The following PDE4D variants were observed in gnomAD, a reference collection of about 807,000 sequenced individuals.
PDE4D encodes the protein 3',5'-cyclic-AMP phosphodiesterase 4D.
In PDE4D, 24 loss-of-function variants were observed where a neutral mutation model predicts 87.4. The observed-to-expected ratio is 0.27, with a 90% CI of 0.20 to 0.39. The LOEUF is 0.39. PDE4D is among the 10% of genes least tolerant of loss of function. The probability of loss-of-function intolerance (pLI) is 1.00; values close to 1 mark genes in which losing one functional copy is unlikely to be tolerated. For missense variants in PDE4D, 714 were observed against 1,041.0 expected, an observed-to-expected ratio of 0.69 and a Z score of 4.32; for synonymous variants, 384 against 383.2, an observed-to-expected ratio of 1.00 and a Z score of -0.02.
chr5:58,988,583 T>C lies in PDE4D; in HGVS notation c.1462A>G (p.Thr488Ala). 2 of 1,482,080 alleles carry C rather than the reference T, an allele frequency of 1.3e-6. No individual in the cohort carries two copies. The highest frequency in any genetic ancestry group is 1.8e-6 in the Non-Finnish European group (2 of 1,101,318). 91.8% of individuals were successfully genotyped at this position (1,482,080 alleles called of 1,614,324 possible). Residue 488 changes from threonine (T) to alanine (A), a missense_variant, in exon 11 of 15, where the codon ACA becomes GCA. Thr to Ala is a moderately conservative substitution (Grantham distance 58). Around this residue, in one of 7 missense-constraint regions of PDE4D, gnomAD observed 141 missense variants for 204.3 expected, o/e 0.69. Transcript: ENST00000340635. ...LSTPALEAVF[T>A]DLEILAAIFA... ...ATTGCTGCAAGAATCTCCAAATCTG[T>C]AAACACAGCCTGGAAAATCAGACAA...
chr5:59,928,125 G>A (rs1222249388), intron 3 of PDE4D, among the ~76,000 whole-genome samples: 1 of 152,202 alleles, frequency 6.6e-6, no homozygotes, highest in Non-Finnish European at 1.5e-5. Flanking sequence ...CTCAGTGCCA[G>A]ATTTCCTGAG....
chr5:59,870,202 C>T (rs1482258322), intron 1 of PDE4D, among the ~76,000 whole-genome samples: 1 of 152,212 alleles, frequency 6.6e-6, no homozygotes, highest in Non-Finnish European at 1.5e-5. Flanking sequence ...TAAATTGCCA[C>T]ATTGGCCCAA....
chr5:59,424,246 T>C (rs1266081059), intron 1 of PDE4D, among the ~76,000 whole-genome samples: 1 of 152,202 alleles, frequency 6.6e-6, no homozygotes, highest in Non-Finnish European at 1.5e-5. Flanking sequence ...TTAAATCTGT[T>C]ACTGCTAATA....
chr5:60,085,699 T>C (rs1485365750), intron 2 of PDE4D, among the ~76,000 whole-genome samples: 1 of 152,230 alleles, frequency 6.6e-6, no homozygotes, highest in Admixed American at 6.5e-5. Context: ...ACTCATTTTA[T>C]TTCTACATCT....
At chr5:60,383,911 G>C (rs1001179100) in intron 1 of PDE4D, among the ~76,000 whole-genome samples, 1 of 152,174 alleles carries the variant, frequency 6.6e-6, no homozygotes, top group Non-Finnish European at 1.5e-5. Flanking sequence ...TCAAGGCACA[G>C]AGAAGCACAG....
At chr5:59,333,187 T>C (rs1052231548) in intron 1 of PDE4D, among the ~76,000 whole-genome samples, 1 of 152,142 alleles carries the variant, frequency 6.6e-6, no homozygotes, top group Non-Finnish European at 1.5e-5. Context: ...TCCAGTTCTC[T>C]AGGTCAAAAG....
chr5:59,574,115 TATAA>T (rs1561241626), intron 1 of PDE4D, among the ~76,000 whole-genome samples: 105 of 3,780 alleles, frequency 0.028, no homozygotes, highest in African/African-American at 0.047. Flanking sequence ...TATATATATA[TATAA>T]ATATATATTT....
intron 1 of PDE4D, among the ~76,000 whole-genome samples, chr5:59,401,478 A>ATCTGTCTGTCTGTCTGTCTG (rs74715038): frequency 8.6e-5 from 13 of 150,988 alleles, no homozygotes; most frequent in South Asian, 2.1e-4. Context: ...CTATCTATCT[A>ATCTGTCTGTCTGTCTGTCTG]TCTATCTATT....
upstream of PDE4D, among the ~76,000 whole-genome samples, chr5:60,493,038 A>T (rs553057592): frequency 8.5e-5 from 13 of 152,320 alleles, no homozygotes; most frequent in East Asian, 1.7e-3. Flanking sequence ...GGCCTCTAAG[A>T]TAACAGCACA....
chr5:60,075,483 T>C (rs111491668), intron 2 of PDE4D, among the ~76,000 whole-genome samples: 4,049 of 152,254 alleles, frequency 0.027, 88 homozygotes, highest in South Asian at 0.053. Context: ...TGATTGTCTG[T>C]CTTGGGGATG....
chr5:59,987,916 C>T (rs148352058), intron 3 of PDE4D: 2 of 152,172 alleles, frequency 1.3e-5, no homozygotes, highest in African/African-American at 4.8e-5. Flanking sequence ...ATGATGGAGA[C>T]GTGGCTGTGG....
chr5:59,679,878 A>T (rs1234223387), intron 1 of PDE4D, among the ~76,000 whole-genome samples: 1 of 152,134 alleles, frequency 6.6e-6, no homozygotes, highest in Non-Finnish European at 1.5e-5. Flanking sequence ...AAAGACCCTA[A>T]TGAAAAGTCT....
chr5:60,476,819 A>G lies in PDE4D; in HGVS notation c.-90+11123T>C, dbSNP rs1290690461. On this transcript the variant is annotated intron_variant, in intron 1 of 16. Coordinates refer to the PDE4D transcript ENST00000502484. ...CTCCGCCATCATTCCCTTTCTGCTC[A>G]CCTTGCTTTATTTTCTCAATAACCC... Among the ~76,000 whole-genome samples, 3 of 152,196 alleles carry G rather than the reference A, an allele frequency of 2.0e-5. No individual in the cohort carries two copies. In the East Asian group the frequency reaches 5.8e-4, roughly 29 times the overall value.
chr5:59,326,439 C>T lies in PDE4D; in HGVS notation c.456-110471G>A, dbSNP rs918832083. Reference sequence around the variant, plus strand: ...GCCATATAGTCTATAGAGTAGCCCCCCCCAAGACACATATAACTATTAAAT... The same window carrying T: ...GCCATATAGTCTATAGAGTAGCCCCTCCCAAGACACATATAACTATTAAAT... On this transcript the variant is annotated intron_variant, in intron 1 of 14. Transcript: ENST00000340635. 3.2e-4 allele frequency among the ~76,000 whole-genome samples: 48 copies of T among 151,852 alleles called. 2 individuals carry two copies. The highest frequency in any genetic ancestry group is 2.1e-4 in the South Asian group (1 of 4,774).
chr5:59,204,094 T>C (rs757153784), intron 2 of PDE4D, among the ~76,000 whole-genome samples: 5 of 151,962 alleles, frequency 3.3e-5, no homozygotes, highest in Non-Finnish European at 5.9e-5. Flanking sequence ...TATACATATA[T>C]CAAAATATTA....
At chr5:59,211,567 T>C (rs1394186449) in intron 2 of PDE4D, among the ~76,000 whole-genome samples, 3 of 152,170 alleles carry the variant, frequency 2.0e-5, no homozygotes, top group Non-Finnish European at 2.9e-5. Flanking sequence ...TATCAAATTA[T>C]GTGCTCCTAG....
At chr5:60,282,464 T>A (rs187880807) in intron 1 of PDE4D, among the ~76,000 whole-genome samples, 1 of 152,230 alleles carries the variant, frequency 6.6e-6, no homozygotes, top group Non-Finnish European at 1.5e-5. Flanking sequence ...GTGGCTTTCA[T>A]AGAAATAATG....
At chr5:59,668,553 T>TA (rs1746447841) in intron 1 of PDE4D, among the ~76,000 whole-genome samples, 1 of 151,622 alleles carries the variant, frequency 6.6e-6, no homozygotes, top group African/African-American at 2.4e-5. Context: ...CTACAAAATT[T>TA]AAAACAATAG....
At chr5:59,161,579 T>C (rs1034384028) in intron 5 of PDE4D, among the ~76,000 whole-genome samples, 3 of 152,162 alleles carry the variant, frequency 2.0e-5, no homozygotes, top group African/African-American at 7.2e-5. Context: ...GTGGTGATGT[T>C]AATACTGGAG....
Sources: gnomAD v4.1 joint callset for allele counts (sites outside exome capture counted in the v4.1 genomes callset) on GRCh38, gnomAD v4.1.1 for gene constraint, gnomAD v4.1.1 regional missense constraint, MANE v1.5 for transcripts, NCBI Gene and HGNC (gene_info 2026-07-23, HGNC 2026-07-21) for gene names.